The following IFNAR1 variants were observed in gnomAD, a reference collection of about 807,000 sequenced individuals.
The protein encoded by IFNAR1 is interferon alpha/beta receptor 1.
IFNAR1 carries 47 observed loss-of-function variants against 62.1 expected under a neutral mutation model. The ratio of observed to expected loss-of-function variants is 0.76; its 90% confidence interval spans 0.60 to 0.97. The LOEUF is 0.97. Among genes scored for constraint, IFNAR1 ranks in the 50% least tolerant of loss-of-function variants. IFNAR1 has a pLI of 0.00. For synonymous variants in IFNAR1, 219 were observed against 226.9 expected, an observed-to-expected ratio of 0.97 and a Z score of 0.31; for missense variants, 638 against 654.5, an observed-to-expected ratio of 0.97 and a Z score of 0.27.
At chr21:33,353,541 A>C in intron 9 of IFNAR1, 97 bp from the exon 10 acceptor site, 2 of 642,834 alleles carry the variant, frequency 3.1e-6, no homozygotes, top group Non-Finnish European at 5.3e-6. Flanking sequence ...TAGATTTTAT[A>C]TTTCCTTTCA....
Position 33,349,457 on chromosome 21 carries a change from C to G in IFNAR1, c.1057C>G (p.Pro353Ala). The G allele has an allele frequency of 6.2e-7, 1 of 1,611,706 alleles. No homozygotes were observed. Among genetic ancestry groups the G allele is most frequent in the Non-Finnish European group, 8.5e-7 (1 of 1,177,994 alleles). ...TTCATTCCATATCTATATCGGTGCT[C>G]CAAAACAGTCTGGAAACACGCCTGT... Reference protein sequence around the residue: ...SDSFHIYIGAPKQSGNTPVIQ... With the variant: ...SDSFHIYIGAAKQSGNTPVIQ... Residue 353 changes from proline (P) to alanine (A), a missense_variant, in exon 8 of 11, where the codon CCA becomes GCA. Physicochemically the swap from Pro to Ala is conservative, Grantham distance 27. Transcript: ENST00000270139.
intron 2 of IFNAR1, among the ~76,000 whole-genome samples, chr21:33,340,200 G>A (rs761643422): frequency 3.3e-5 from 5 of 151,810 alleles, no homozygotes; most frequent in African/African-American, 7.3e-5. Context: ...AAGAAATTAC[G>A]GAGACAGGCA....
At chr21:33,338,967 C>T (rs1423844070) in intron 2 of IFNAR1, among the ~76,000 whole-genome samples, 1 of 152,052 alleles carries the variant, frequency 6.6e-6, no homozygotes, top group Non-Finnish European at 1.5e-5. Flanking sequence ...ATCTCGAACT[C>T]CTGATCTCAA....
At chr21:33,352,091 C>A (rs1489508394) in intron 8 of IFNAR1, among the ~76,000 whole-genome samples, 1 of 152,074 alleles carries the variant, frequency 6.6e-6, no homozygotes, top group Non-Finnish European at 1.5e-5. Context: ...TTAAATAATG[C>A]TTGCAAGACC....
intron 8 of IFNAR1, among the ~76,000 whole-genome samples, chr21:33,350,138 C>T (rs564927677): frequency 1.3e-5 from 2 of 150,810 alleles, no homozygotes; most frequent in South Asian, 4.2e-4. Context: ...TCATCTAAAC[C>T]TGGGATTCTC....
At chr21:33,349,631 AT>A in intron 8 of IFNAR1, 88 bp downstream of exon 8, 1 of 1,027,752 alleles carries the variant, frequency 9.7e-7, no homozygotes, top group Non-Finnish European at 1.4e-6. Context: ...TTTGGGGGAA[AT>A]TTTTAAACTT....
chr21:33,329,467 T>A (rs561554576), intron 1 of IFNAR1, among the ~76,000 whole-genome samples: 12 of 151,162 alleles, frequency 7.9e-5, no homozygotes, highest in Non-Finnish European at 1.8e-4. Context: ...CCACATTAAG[T>A]TTAAAAAAAA....
At chr21:33,325,738 A>G (rs1036918435) in intron 1 of IFNAR1, among the ~76,000 whole-genome samples, 2 of 152,200 alleles carry the variant, frequency 1.3e-5, no homozygotes, top group Non-Finnish European at 1.5e-5. Context: ...CAGTAAGGCA[A>G]ATAGTTCTGT....
upstream of IFNAR1, chr21:33,324,724 C>T (rs879617261): frequency 2.7e-6 from 1 of 373,682 alleles, no homozygotes; most frequent in Non-Finnish European, 5.0e-6. Context: ...CCAGACCGGC[C>T]ATAGGCCGGA....
At position 33,343,626 on chromosome 21, in the gene IFNAR1, C is replaced by A. The variant is rs767417203; in HGVS notation, c.623C>A (p.Thr208Lys). 6.2e-7 allele frequency: 1 copy of A among 1,607,356 alleles called. No individual in the cohort carries two copies. The highest frequency in any genetic ancestry group is 8.5e-7 in the Non-Finnish European group (1 of 1,174,132). The change falls in exon 5 of 11, where the codon ACG becomes AAG. Residue 208 changes from threonine (T) to lysine (K), a missense_variant. Thr to Lys is a moderately conservative substitution (Grantham distance 78). Coordinates refer to ENST00000270139, the MANE Select transcript of IFNAR1 (RefSeq NM_000629.3). ...YCLKVKAALL[T>K]SWKIGVYSPV... ...CTAAAAGTTAAAGCAGCACTACTTA[C>A]GTCATGGAAAATTGGTGTCTATAGT...
intron 9 of IFNAR1, 64 bp from the exon 10 acceptor site, chr21:33,353,574 T>C (rs1413019762): frequency 4.7e-6 from 4 of 854,572 alleles, no homozygotes; most frequent in Non-Finnish European, 7.3e-6. Flanking sequence ...TTCACACAGC[T>C]GTCAGCACTG....
At chr21:33,329,279 G>A (rs1392608228) in intron 1 of IFNAR1, among the ~76,000 whole-genome samples, 3 of 152,114 alleles carry the variant, frequency 2.0e-5, no homozygotes, top group Non-Finnish European at 4.4e-5. Context: ...GTTAAACTCT[G>A]TAAACCCAGT....
intron 2 of IFNAR1, among the ~76,000 whole-genome samples, chr21:33,340,168 G>A (rs1439053165): frequency 6.6e-6 from 1 of 151,720 alleles, no homozygotes; most frequent in African/African-American, 2.4e-5. Context: ...TTTCAGTTTT[G>A]TGGTTTCTGA....
intron 1 of IFNAR1, among the ~76,000 whole-genome samples, chr21:33,332,916 A>C (rs1431937177): frequency 6.6e-6 from 1 of 152,248 alleles, no homozygotes; most frequent in Admixed American, 6.5e-5. Flanking sequence ...GAGAAAAGGT[A>C]AGAGGCATAT....
intron 5 of IFNAR1, among the ~76,000 whole-genome samples, chr21:33,344,462 G>A (rs969358543): frequency 2.7e-5 from 4 of 147,294 alleles, no homozygotes; most frequent in African/African-American, 7.4e-5. Flanking sequence ...CAAACATTAC[G>A]GAAGGGTTTA....
Position 33,324,995 on chromosome 21 carries a change from C to A in IFNAR1, c.-61C>A, listed in dbSNP as rs1029032017. The A allele has an allele frequency of 2.7e-6, 4 of 1,461,760 alleles. No homozygotes were observed. The highest frequency in any genetic ancestry group is 2.8e-5 in the African/African-American group (2 of 71,502). The allele number at this position is 1,461,760 out of a possible 1,614,324, so 90.5% of individuals were successfully genotyped here. A position where few individuals can be genotyped will look rare whatever the true frequency, so the allele number is the denominator to read the frequency against. Reference sequence around the variant, plus strand: ...GGTGTGACTTAGGACGGGGCGATGGCGGCTGAGAGGAGCTGCGCGTGCGCG... The same window carrying A: ...GGTGTGACTTAGGACGGGGCGATGGAGGCTGAGAGGAGCTGCGCGTGCGCG... On this transcript the variant is annotated 5_prime_UTR_variant, in exon 1 of 11. Transcript: ENST00000270139.
rs1248823228 is a variant in IFNAR1 at position 33,359,367 on chromosome 21, T to G, written c.*3818T>G. On this transcript the variant is annotated 3_prime_UTR_variant, in exon 11 of 11. Coordinates refer to ENST00000270139, the MANE Select transcript of IFNAR1 (RefSeq NM_000629.3). ...AACAGAGATGCTGCAGCTGATGCCT[T>G]TAAAAGGTATTCATCATGGAAGAGC... 6.6e-6 allele frequency: 1 copy of G among 152,136 alleles called. No homozygotes were observed. Among genetic ancestry groups the G allele is most frequent in the Non-Finnish European group, 1.5e-5 (1 of 68,022 alleles). 9.4% of individuals were successfully genotyped at this position (152,136 alleles called of 1,614,324 possible). A position where few individuals can be genotyped will look rare whatever the true frequency, so the allele number is the denominator to read the frequency against.
chr21:33,341,047 T>C lies in IFNAR1; in HGVS notation c.249T>C (p.Thr83=). The change falls in exon 3 of 11, where the codon ACT becomes ACC. Residue 83 remains threonine (T), a synonymous_variant. Coordinates refer to ENST00000270139, the MANE Select transcript of IFNAR1 (RefSeq NM_000629.3). ...WIKLSGCQNI[T]STKCNFSSLK... is the part of the protein sequence containing the mutation. ...AATTGTCTGGGTGTCAGAATATTAC[T>C]AGTACCAAATGCAACTTTTCTTCAC... The C allele has an allele frequency of 6.2e-7, 1 of 1,612,620 alleles. No individual in the cohort carries two copies. Among genetic ancestry groups the C allele is most frequent in the South Asian group, 1.1e-5 (1 of 91,044 alleles).
chr21:33,329,299 T>G (rs1601852421), intron 1 of IFNAR1, among the ~76,000 whole-genome samples: 1 of 152,280 alleles, frequency 6.6e-6, no homozygotes, highest in South Asian at 2.1e-4. Context: ...TTGCTACCCT[T>G]TGGCTGCATA....
Sources: gnomAD v4.1 joint callset for allele counts (sites outside exome capture counted in the v4.1 genomes callset) on GRCh38, gnomAD v4.1.1 for gene constraint, MANE v1.5 for transcripts, NCBI Gene and HGNC (gene_info 2026-07-23, HGNC 2026-07-21) for gene names.